RBFOX1: variants seen among roughly 807,000 people sequenced by gnomAD.
RBFOX1 encodes the protein RNA binding fox-1 homolog 1.
In RBFOX1, 8 loss-of-function variants were observed where a neutral mutation model predicts 57.7. The ratio of observed to expected loss-of-function variants is 0.14; its 90% confidence interval spans 0.08 to 0.25. RBFOX1 has a LOEUF of 0.25. Among genes scored for constraint, RBFOX1 ranks in the 10% least tolerant of loss-of-function variants. The pLI is 1.00. For synonymous variants in RBFOX1, 326 were observed against 222.4 expected, an observed-to-expected ratio of 1.47 and a Z score of -4.15; for missense variants, 611 against 548.5, an observed-to-expected ratio of 1.11 and a Z score of -1.14.
intron 3 of RBFOX1, among the ~76,000 whole-genome samples, chr16:5,855,776 G>C (rs2151873918): frequency 6.6e-6 from 1 of 151,916 alleles, no homozygotes; most frequent in Non-Finnish European, 1.5e-5. Flanking sequence ...TTGGAATTTT[G>C]ATAGGGATCA....
At chr16:5,796,253 T>C (rs1412860789) in intron 3 of RBFOX1, among the ~76,000 whole-genome samples, 3 of 152,204 alleles carry the variant, frequency 2.0e-5, no homozygotes, top group Non-Finnish European at 4.4e-5. Context: ...AGGAAGTGGA[T>C]GTGGCCCACA....
At chr16:6,541,669 G>A (rs1386092636) in intron 2 of RBFOX1, among the ~76,000 whole-genome samples, 1 of 152,208 alleles carries the variant, frequency 6.6e-6, no homozygotes, top group Non-Finnish European at 1.5e-5. Flanking sequence ...TGTAGGAAGA[G>A]CAAGAATATC....
chr16:7,385,214 A>C (rs2097855720), intron 4 of RBFOX1, among the ~76,000 whole-genome samples: 1 of 152,232 alleles, frequency 6.6e-6, no homozygotes, highest in African/African-American at 2.4e-5. Context: ...TTTGCATTTC[A>C]CAAAGATGAC....
chr16:5,241,151 C>A (rs997084879), intron 1 of RBFOX1, among the ~76,000 whole-genome samples: 2 of 152,192 alleles, frequency 1.3e-5, no homozygotes, highest in African/African-American at 2.4e-5. Flanking sequence ...CGTGGGCTGC[C>A]TCAGAGCCCC....
intron 2 of RBFOX1, among the ~76,000 whole-genome samples, chr16:5,571,249 C>G (rs2046273536): frequency 1.8e-5 from 2 of 112,064 alleles, no homozygotes; most frequent in Non-Finnish European, 3.3e-5. Flanking sequence ...GAGATGGAGT[C>G]ACACTGTGTC....
chr16:6,790,205 G>A (rs1474155969), intron 3 of RBFOX1, among the ~76,000 whole-genome samples: 1 of 46,400 alleles, frequency 2.2e-5, no homozygotes, highest in Admixed American at 2.2e-4. Flanking sequence ...ATTATTTTAT[G>A]ACAGACTCTC....
intron 1 of RBFOX1, among the ~76,000 whole-genome samples, chr16:6,172,595 G>A (rs527516133): frequency 6.6e-6 from 1 of 150,842 alleles, no homozygotes; most frequent in East Asian, 1.9e-4. Flanking sequence ...CAGCCTCAGT[G>A]GTGGACTTCC....
chr16:7,119,581 A>T (rs994271625), intron 4 of RBFOX1, among the ~76,000 whole-genome samples: 1 of 151,670 alleles, frequency 6.6e-6, no homozygotes, highest in Non-Finnish European at 1.5e-5. Context: ...TCAGAGGAAA[A>T]ACAACAACAA....
intron 3 of RBFOX1, among the ~76,000 whole-genome samples, chr16:5,677,118 C>T (rs1461250498): frequency 2.0e-5 from 3 of 152,160 alleles, no homozygotes; most frequent in Non-Finnish European, 4.4e-5. Context: ...CAAGGTCAAA[C>T]GGACAGAAGG....
chr16:6,534,052 A>G (rs570178537), intron 2 of RBFOX1, among the ~76,000 whole-genome samples: 3 of 152,292 alleles, frequency 2.0e-5, no homozygotes, highest in African/African-American at 7.2e-5. Flanking sequence ...TAAATATTTT[A>G]TCAAGAGAAA....
At chr16:7,186,021 C>A (rs986550048) in intron 4 of RBFOX1, among the ~76,000 whole-genome samples, 1 of 152,076 alleles carries the variant, frequency 6.6e-6, no homozygotes. Flanking sequence ...GGCACACAGA[C>A]AGGTTCAGCG....
chr16:6,051,711 C>T (rs1262895141), intron 1 of RBFOX1, among the ~76,000 whole-genome samples: 1 of 152,108 alleles, frequency 6.6e-6, no homozygotes, highest in Non-Finnish European at 1.5e-5. Context: ...TTACAGGCTC[C>T]TGCCACCATG....
At chr16:6,355,659 A>G (rs1028002878) in intron 2 of RBFOX1, among the ~76,000 whole-genome samples, 3 of 152,148 alleles carry the variant, frequency 2.0e-5, no homozygotes, top group Non-Finnish European at 4.4e-5. Context: ...CAATAATGGG[A>G]TTGCTGGGTC....
At chr16:6,445,281 C>G (rs73538166) in intron 2 of RBFOX1, among the ~76,000 whole-genome samples, 31,204 of 151,848 alleles carry the variant, frequency 0.21, 3,631 homozygotes, top group East Asian at 0.43. Context: ...GGTACATGTG[C>G]TCAACGTGCA....
chr16:5,364,156 C>T (rs2065638457), intron 1 of RBFOX1, among the ~76,000 whole-genome samples: 2 of 152,202 alleles, frequency 1.3e-5, no homozygotes, highest in Non-Finnish European at 2.9e-5. Flanking sequence ...TACAGGTTGC[C>T]AATTGCTTTA....
At chr16:5,848,777 T>C (rs1438674472) in intron 3 of RBFOX1, among the ~76,000 whole-genome samples, 1 of 151,832 alleles carries the variant, frequency 6.6e-6, no homozygotes, top group Non-Finnish European at 1.5e-5. Flanking sequence ...TGAAACCCCG[T>C]CTCTAATAAA....
chr16:7,707,752 G>C (rs1269707869), intron 14 of RBFOX1, among the ~76,000 whole-genome samples: 1 of 152,156 alleles, frequency 6.6e-6, no homozygotes, highest in Non-Finnish European at 1.5e-5. Context: ...TTGCCTCTAG[G>C]TGGAACCTGC....
At chr16:6,447,477 A>C (rs1039015081) in intron 2 of RBFOX1, among the ~76,000 whole-genome samples, 3 of 152,176 alleles carry the variant, frequency 2.0e-5, no homozygotes, top group Non-Finnish European at 2.9e-5. Context: ...TGAAACCTAG[A>C]ATGACTTTCA....
At chr16:7,258,332 A>G (rs936047592) in intron 4 of RBFOX1, among the ~76,000 whole-genome samples, 1 of 152,196 alleles carries the variant, frequency 6.6e-6, no homozygotes, top group South Asian at 2.1e-4. Context: ...GAAAATGATA[A>G]GAAATATTAA....
Sources: gnomAD v4.1 joint callset for allele counts (sites outside exome capture counted in the v4.1 genomes callset) on GRCh38, gnomAD v4.1.1 for gene constraint, MANE v1.5 for transcripts, NCBI Gene and HGNC (gene_info 2026-07-23, HGNC 2026-07-21) for gene names.